Variants in NTN4 observed in about 807,000 individuals in gnomAD.
The protein encoded by NTN4 is netrin-4.
NTN4 carries 32 observed loss-of-function variants against 73.6 expected under a neutral mutation model. That is an observed-to-expected ratio of 0.44 (90% CI 0.33 to 0.58). NTN4 has a LOEUF of 0.58. Ranked by LOEUF, NTN4 falls within the 20% of genes least tolerant of loss-of-function variation. The pLI, the probability that NTN4 is intolerant of heterozygous loss-of-function variation, is 0.04. For synonymous variants in NTN4, 258 were observed against 287.5 expected (o/e 0.90, Z 1.04); for missense variants, 654 against 798.3 (o/e 0.82, Z 2.18).
At chr12:95,778,064 G>A (rs1329513525) in intron 2 of NTN4, among the ~76,000 whole-genome samples, 1 of 152,094 alleles carries the variant, frequency 6.6e-6, no homozygotes. Flanking sequence ...AATGACTACT[G>A]GGTACATAAC....
intron 2 of NTN4, among the ~76,000 whole-genome samples, chr12:95,761,711 A>G (rs1223737831): frequency 6.6e-6 from 1 of 152,110 alleles, no homozygotes; most frequent in African/African-American, 2.4e-5. Context: ...TACCTACAAA[A>G]CCTGGTCACA....
At chr12:95,670,170 G>A (rs1037537507) in intron 7 of NTN4, 24 bp from the exon 8 acceptor site, 13 of 1,431,536 alleles carry the variant, frequency 9.1e-6, no homozygotes, top group Non-Finnish European at 1.9e-6. Flanking sequence ...ATTAAAAATG[G>A]TGTTAGTTAT....
rs2078434503 is a variant in NTN4 at position 95,695,498 on chromosome 12, G to A, written c.1181-11787C>T. Reference sequence around the variant, plus strand: ...TCCTGCCTCAGCCTCCTGAGTAGCTGGGGTTACAGGTGTGTGCCACCACAC... The same window carrying A: ...TCCTGCCTCAGCCTCCTGAGTAGCTAGGGTTACAGGTGTGTGCCACCACAC... On this transcript the variant is annotated intron_variant, in intron 5 of 9. Coordinates refer to ENST00000343702, the MANE Select transcript of NTN4 (RefSeq NM_021229.4). Among the ~76,000 whole-genome samples, 3 of 152,142 alleles carry A rather than the reference G, an allele frequency of 2.0e-5. No homozygotes were observed. The South Asian group carries it at 6.2e-4, about 32-fold the overall frequency.
At chr12:95,745,032 C>T (rs935957104) in intron 2 of NTN4, among the ~76,000 whole-genome samples, 1 of 151,886 alleles carries the variant, frequency 6.6e-6, no homozygotes, top group Non-Finnish European at 1.5e-5. Flanking sequence ...TAGATTTGTT[C>T]CTCTGTACGT....
intron 5 of NTN4, among the ~76,000 whole-genome samples, chr12:95,686,799 G>A (rs2078364514): frequency 6.6e-6 from 1 of 151,900 alleles, no homozygotes; most frequent in African/African-American, 2.4e-5. Context: ...GGGCAAGGAA[G>A]GCAATTGCTG....
intron 2 of NTN4, among the ~76,000 whole-genome samples, chr12:95,776,114 G>T (rs1430508364): frequency 6.6e-6 from 1 of 152,130 alleles, no homozygotes; most frequent in Admixed American, 6.5e-5. Flanking sequence ...ACTGTTAGAA[G>T]GAAAGCTAAC....
Position 95,697,908 on chromosome 12 carries a change from C to A in NTN4, c.1180+12533G>T, listed in dbSNP as rs143862032. On this transcript the variant is annotated intron_variant, in intron 5 of 9. Transcript: ENST00000343702. ...TGGATTCAGCATCCATAGAATCAAC[C>A]CACTGTGGATCAAAAATATTTGAGG... 2.8e-4 allele frequency among the ~76,000 whole-genome samples: 43 copies of A among 152,114 alleles called. 1 individual carries two copies. The East Asian group carries it at 3.3e-3, about 12-fold the overall frequency.
rs564168162 is a variant in NTN4 at position 95,716,117 on chromosome 12, A to G, written c.865-2779T>C. Among the ~76,000 whole-genome samples the G allele has an allele frequency of 1.1e-4, 17 of 152,144 alleles. No individual in the cohort carries two copies. The South Asian group carries it at 3.5e-3, about 32-fold the overall frequency. ...ACACCCACACACAAAAAAGCAAAACATACATAAAAACACATAAATAATCTG... is the reference window on the plus strand; with the variant it reads ...ACACCCACACACAAAAAAGCAAAACGTACATAAAAACACATAAATAATCTG... On this transcript the variant is annotated intron_variant, in intron 3 of 9. Transcript: ENST00000343702.
rs548442597 is a variant in NTN4 at position 95,773,421 on chromosome 12, T to C, written c.585+13518A>G. Among the ~76,000 whole-genome samples the C allele has an allele frequency of 4.0e-4, 61 of 152,326 alleles. No homozygotes were observed. In the Middle Eastern group the frequency reaches 0.01, roughly 25 times the overall value. On this transcript the variant is annotated intron_variant, in intron 2 of 9. Coordinates refer to ENST00000343702, the MANE Select transcript of NTN4 (RefSeq NM_021229.4). ...GGAATGCTAAAAATAATGAACAGGATTGAATTGATCTAGGCATAAGTTTGA... is the reference window on the plus strand; with the variant it reads ...GGAATGCTAAAAATAATGAACAGGACTGAATTGATCTAGGCATAAGTTTGA...
At chr12:95,770,991 TG>T (rs200017180) in intron 2 of NTN4, among the ~76,000 whole-genome samples, 8 of 49,494 alleles carry the variant, frequency 1.6e-4, no homozygotes, top group African/African-American at 5.7e-4. Context: ...GAAAAGAATT[TG>T]TTTTTTTTTT....
At chr12:95,766,728 G>C (rs927598420) in intron 2 of NTN4, among the ~76,000 whole-genome samples, 2 of 152,178 alleles carry the variant, frequency 1.3e-5, no homozygotes, top group African/African-American at 2.4e-5. Flanking sequence ...TAATATTCTA[G>C]CTGTGCTTGC....
At chr12:95,757,709 G>A (rs2078956393) in intron 2 of NTN4, among the ~76,000 whole-genome samples, 1 of 149,074 alleles carries the variant, frequency 6.7e-6, no homozygotes, top group Non-Finnish European at 1.5e-5. Flanking sequence ...AAAGATCCGT[G>A]AGCAATATGG....
At chr12:95,735,001 T>C (rs1390892266) in intron 3 of NTN4, among the ~76,000 whole-genome samples, 1 of 152,194 alleles carries the variant, frequency 6.6e-6, no homozygotes, top group Non-Finnish European at 1.5e-5. Context: ...ATCGTGCCAT[T>C]GCACTCCAGC....
chr12:95,680,892 TAA>T (rs1173912988), intron 7 of NTN4, among the ~76,000 whole-genome samples: 3 of 152,006 alleles, frequency 2.0e-5, no homozygotes, highest in Non-Finnish European at 4.4e-5. Flanking sequence ...AAAAACATTT[TAA>T]AAGAGTATAT....
chr12:95,761,324 T>C (rs1400572624), intron 2 of NTN4, among the ~76,000 whole-genome samples: 1 of 111,910 alleles, frequency 8.9e-6, no homozygotes, highest in Non-Finnish European at 1.9e-5. Flanking sequence ...AAAAGAGATA[T>C]TCTTTTTTTT....
At chr12:95,678,965 T>C (rs1455881828) in intron 7 of NTN4, among the ~76,000 whole-genome samples, 1 of 151,954 alleles carries the variant, frequency 6.6e-6, no homozygotes, top group Non-Finnish European at 1.5e-5. Flanking sequence ...TATCTAGGAG[T>C]AAATTTAATG....
In NTN4 at chr12:95,789,314, G is replaced by A. The variant is rs1395619165; in HGVS notation, c.55+941C>T. ...GCTACAATGTTCTGTAGCCACCAGCGCATCCCTCTAGCCCAGGCGCCCCTT... is the reference window on the plus strand; with the variant it reads ...GCTACAATGTTCTGTAGCCACCAGCACATCCCTCTAGCCCAGGCGCCCCTT... On this transcript the variant is annotated intron_variant, in intron 1 of 9. Transcript: ENST00000343702. This position sits in a 1 kb window ranked among gnomAD's most constrained non-coding sequence, Gnocchi z 4.0. Among the ~76,000 whole-genome samples the A allele has an allele frequency of 6.6e-6, 1 of 152,154 alleles. No homozygotes were observed. Among genetic ancestry groups the A allele is most frequent in the East Asian group, 1.9e-4 (1 of 5,184 alleles).
chr12:95,692,817 G>T (rs893369069), intron 5 of NTN4, among the ~76,000 whole-genome samples: 3 of 152,156 alleles, frequency 2.0e-5, no homozygotes, highest in Admixed American at 2.0e-4. Context: ...CAGACTAGAT[G>T]ACTAGATTCT....
In NTN4 at chr12:95,671,091, C is replaced by T. The variant is rs144965584; in HGVS notation, c.1511-945G>A. 6.1e-3 allele frequency: 933 copies of T among 152,188 alleles called. 13 individuals are homozygous for T. The highest frequency in any genetic ancestry group is 0.021 in the African/African-American group (867 of 41,468). The allele number at this position is 152,188 out of a possible 1,614,324, so 9.4% of individuals were successfully genotyped here. ...TCAGCTCATTGCAACCTCTGTCTCC[C>T]GGGTTCAAGCAATTCTCCTGTCTCA... On this transcript the variant is annotated intron_variant, in intron 7 of 9. Transcript: ENST00000343702.
Sources: gnomAD v4.1 joint callset for allele counts (sites outside exome capture counted in the v4.1 genomes callset) on GRCh38, gnomAD v4.1.1 for gene constraint, Gnocchi (gnomAD v3.1) non-coding constraint, MANE v1.5 for transcripts, NCBI Gene and HGNC (gene_info 2026-07-23, HGNC 2026-07-21) for gene names.